ZNF497: variants seen among roughly 807,000 people sequenced by gnomAD.
ZNF497 encodes zinc finger protein 497, also known as zinc finger-like protein.
For missense variants in ZNF497, 930 were observed against 714.0 expected (o/e 1.30, Z -3.45); for synonymous variants, 422 against 313.7 (o/e 1.35, Z -3.65).
intron 1 of ZNF497, chr19:58,359,550 C>A: frequency 2.3e-6 from 1 of 436,910 alleles, no homozygotes; most frequent in Non-Finnish European, 4.6e-6. Context: ...CTTGAGGGTC[C>A]CTGCCCTGCC....
intron 1 of ZNF497, chr19:58,359,103 G>T: frequency 2.0e-6 from 2 of 1,002,004 alleles, no homozygotes; most frequent in Non-Finnish European, 1.4e-6. Context: ...CACAGCTCAC[G>T]CAGCTGAGCC....
Position 58,356,313 on chromosome 19 carries a change from C to T in ZNF497, c.1323G>A (p.Pro441=). 1.9e-6 allele frequency: 3 copies of T among 1,568,570 alleles called. No homozygotes were observed. Among genetic ancestry groups the T allele is most frequent in the Non-Finnish European group, 2.6e-6 (3 of 1,160,032 alleles). The part of the protein sequence containing the change: ...QHQRLHSGER[P]FVCAHCSKAF... The stretch of plus-strand genomic sequence containing the variant: ...CCTTGCTGCAGTGGGCGCAGACGAA[C>T]GGCCTCTCGCCAGAGTGCAGGCGCT... The change falls in exon 3 of 3, where the codon CCG becomes CCA. Residue 441 remains proline (P), a synonymous_variant. Coordinates refer to ENST00000311044, the MANE Select transcript of ZNF497 (RefSeq NM_198458.3).
rs745849457 is a variant in ZNF497 at position 58,357,402 on chromosome 19, G to A, written c.234C>T (p.Asp78=). ...GGPGRELGPA[D]GGRDGAGPRS... ...TGGGCCCAGCCCCGTCCCGCCCACC[G>A]TCTGCGGGGCCCAGCTCCCTGCCGG... is the stretch of plus-strand genomic sequence containing the variant. The change falls in exon 3 of 3, where the codon GAC becomes GAT. Residue 78 remains aspartate (D), a synonymous_variant. Coordinates refer to ENST00000311044, the MANE Select transcript of ZNF497 (RefSeq NM_198458.3). 2.3e-5 allele frequency: 37 copies of A among 1,597,720 alleles called. No individual in the cohort carries two copies. Among genetic ancestry groups the A allele is most frequent in the South Asian group, 5.6e-5 (5 of 89,574 alleles).
At chr19:58,359,497 C>T (rs1173924480) in intron 1 of ZNF497, 1 of 456,694 alleles carries the variant, frequency 2.2e-6, no homozygotes, top group Non-Finnish European at 4.4e-6. Context: ...ACTGAGGTGC[C>T]ATGGCTGCTT....
In ZNF497 at chr19:58,357,615, C is replaced by A; in HGVS notation, c.21G>T (p.Trp7Cys). 1 of 1,542,950 alleles carries A rather than the reference C, an allele frequency of 6.5e-7. No individual in the cohort carries two copies. Among genetic ancestry groups the A allele is most frequent in the Non-Finnish European group, 8.7e-7 (1 of 1,149,342 alleles). MESPRG[W>C]TLQVAPEEGQ... ...CTTCCTCTGGGGCCACCTGCAGGGT[C>A]CACCCTCTTGGGGACTCCATCTCGC... The change falls in exon 3 of 3, where the codon TGG becomes TGT. Residue 7 changes from tryptophan to cysteine, a missense_variant. Transcript: ENST00000311044.
chr19:58,358,175 T>A, intron 2 of ZNF497: 1 of 1,289,934 alleles, frequency 7.8e-7, no homozygotes, highest in Non-Finnish European at 1.0e-6. Context: ...ATGGGCAGCA[T>A]GTCCAGGCTG....
intron 1 of ZNF497, 147 bp from the exon 2 acceptor site, chr19:58,358,732 T>C: frequency 2.1e-6 from 1 of 467,604 alleles, no homozygotes; most frequent in Non-Finnish European, 4.2e-6. Flanking sequence ...GGACTGGAGA[T>C]CTCTGACTCT....
rs1445793328 is a variant in ZNF497 at position 58,356,504 on chromosome 19, G to A, written c.1132C>T (p.Arg378Cys). Residue 378 changes from arginine to cysteine, a missense_variant, in exon 3 of 3, where the codon CGC becomes TGC. Coordinates refer to ENST00000311044, the MANE Select transcript of ZNF497 (RefSeq NM_198458.3). Reference protein sequence around the residue: ...SQRSNLLSHRRTHSGAKPFAC... With the variant: ...SQRSNLLSHRCTHSGAKPFAC... ...AAGGGCTTGGCGCCCGAGTGCGTGC[G>A]CCGGTGGCTCAGTAGGTTGGAGCGC... is the stretch of plus-strand genomic sequence containing the variant. 2 of 1,548,556 alleles carry A rather than the reference G, an allele frequency of 1.3e-6. No individual in the cohort carries two copies. Among genetic ancestry groups the A allele is most frequent in the Non-Finnish European group, 1.7e-6 (2 of 1,152,850 alleles).
In ZNF497 at chr19:58,356,430, C is replaced by T. The variant is rs774533387; in HGVS notation, c.1206G>A (p.Ala402=). 9 of 1,560,668 alleles carry T rather than the reference C, an allele frequency of 5.8e-6. No homozygotes were observed. In the East Asian group the frequency reaches 2.1e-4, roughly 37 times the overall value. The part of the protein sequence containing the change: ...GKAFRGSSGL[A]HHRLSHTGER... ...CTCCCGTGTGCGAAAGCCGGTGGTG[C>T]GCCAGGCCGGAACTGCCGCGGAAGG... The change falls in exon 3 of 3, where the codon GCG becomes GCA. Residue 402 remains alanine (A), a synonymous_variant. Transcript: ENST00000311044.
chr19:58,356,465 A>C lies in ZNF497; in HGVS notation c.1171T>G (p.Cys391Gly), dbSNP rs996320981. Residue 391 changes from cysteine to glycine, a missense_variant, in exon 3 of 3, where the codon TGC (cysteine) becomes GGC (glycine). Transcript: ENST00000311044. ...SGAKPFACAD[C>G]GKAFRGSSGL... is the part of the protein sequence containing the mutation. ...GAACTGCCGCGGAAGGCCTTGCCGC[A>C]GTCGGCGCAGGCGAAGGGCTTGGCG... The C allele has an allele frequency of 1.8e-5, 28 of 1,553,636 alleles. No individual in the cohort carries two copies. The highest frequency in any genetic ancestry group is 2.4e-5 in the Non-Finnish European group (28 of 1,155,442).
chr19:58,359,678 A>G (rs1218321413), intron 1 of ZNF497: 1 of 323,926 alleles, frequency 3.1e-6, no homozygotes, highest in African/African-American at 2.2e-5. Flanking sequence ...GAAGTGTTTT[A>G]AAAATTTAAG....
chr19:58,357,743 C>T, intron 2 of ZNF497, 94 bp from the exon 3 acceptor site: 2 of 1,298,328 alleles, frequency 1.5e-6, no homozygotes, highest in South Asian at 1.7e-5. Flanking sequence ...GGGCTGTCAT[C>T]CCCCACTCTT....
At chr19:58,357,767 C>G (rs1197133526) in intron 2 of ZNF497, 118 bp from the exon 3 acceptor site, 1 of 1,243,642 alleles carries the variant, frequency 8.0e-7, no homozygotes, top group Non-Finnish European at 1.1e-6. Context: ...CTCCAGGTCC[C>G]TGGATGCCCA....
intron 1 of ZNF497, chr19:58,359,469 C>G: frequency 2.2e-6 from 1 of 457,638 alleles, no homozygotes; most frequent in Non-Finnish European, 4.4e-6. Context: ...CCTGTGTGTC[C>G]AGGTGCCTGA....
In ZNF497 at chr19:58,356,563, T is replaced by A; in HGVS notation, c.1073A>T (p.His358Leu). ...HRRVHTGEKP[H>L]ACAQCGKAFS... The stretch of plus-strand genomic sequence containing the variant: ...GGCCTTGCCGCACTGGGCGCACGCA[T>A]GAGGCTTCTCGCCCGTGTGCACGCG... The change falls in exon 3 of 3, where the codon CAT becomes CTT. Residue 358 changes from histidine (H) to leucine (L), a missense_variant. By Grantham distance (99) the His-to-Leu change is moderately conservative. Coordinates refer to ENST00000311044, the MANE Select transcript of ZNF497 (RefSeq NM_198458.3). The A allele has an allele frequency of 6.5e-7, 1 of 1,547,902 alleles. No individual in the cohort carries two copies. Among genetic ancestry groups the A allele is most frequent in the Non-Finnish European group, 8.7e-7 (1 of 1,151,666 alleles).
chr19:58,357,733 G>A (rs998769000), intron 2 of ZNF497, 84 bp from the exon 3 acceptor site: 24 of 1,340,932 alleles, frequency 1.8e-5, no homozygotes, highest in Non-Finnish European at 2.4e-5. Context: ...GACGGTGGGT[G>A]GGCTGTCATC....
At chr19:58,360,598 G>T (rs1030324560) in intron 1 of ZNF497, among the ~76,000 whole-genome samples, 1 of 151,704 alleles carries the variant, frequency 6.6e-6, no homozygotes, top group African/African-American at 2.4e-5. Flanking sequence ...GCGCAATCTC[G>T]GCTCACTGCA....
chr19:58,359,093 C>A, intron 1 of ZNF497: 1 of 926,484 alleles, frequency 1.1e-6, no homozygotes, highest in African/African-American at 1.7e-5. Flanking sequence ...CCACTGGCAA[C>A]ACAGCTCACG....
intron 1 of ZNF497, among the ~76,000 whole-genome samples, chr19:58,360,631 C>A (rs892415892): frequency 6.6e-6 from 1 of 152,030 alleles, no homozygotes; most frequent in Non-Finnish European, 1.5e-5. Context: ...AGGATTCAAG[C>A]GATTCTCCTG....
Sources: allele counts gnomAD v4.1 joint callset (sites outside exome capture counted in the v4.1 genomes callset), GRCh38; gene constraint gnomAD v4.1.1; transcripts MANE v1.5; gene names NCBI Gene and HGNC (gene_info 2026-07-23, HGNC 2026-07-21).